CYRIB: variants seen among roughly 807,000 people sequenced by gnomAD.
The protein encoded by CYRIB is CYFIP related Rac1 interactor B, also known as CYFIP-related Rac1 interactor B.
CYRIB carries 8 observed loss-of-function variants against 44.2 expected under a neutral mutation model. The observed-to-expected ratio is 0.18, with a 90% CI of 0.11 to 0.33. The LOEUF (loss-of-function observed/expected upper bound fraction) is 0.33. Among genes scored for constraint, CYRIB ranks in the 10% least tolerant of loss-of-function variants. The pLI is 1.00. For synonymous variants in CYRIB, 131 were observed against 127.2 expected (o/e 1.03, Z -0.20); for missense variants, 185 against 382.8 (o/e 0.48, Z 4.31).
rs892921874 is a variant in CYRIB at position 129,879,490 on chromosome 8, G to C, written c.-10-19C>G. 6.6e-7 allele frequency: 1 copy of C among 1,517,012 alleles called. No homozygotes were observed. The allele number at this position is 1,517,012 out of a possible 1,614,324, so 94.0% of individuals were successfully genotyped here. On this transcript the variant is annotated intron_variant, in intron 2 of 11. Transcript: ENST00000519824. ...AAGGTACCTGTCAAGACAAGAATGAGAAAAGAGAAAATATCCCTTTATAAA... is the reference window on the plus strand; with the variant it reads ...AAGGTACCTGTCAAGACAAGAATGACAAAAGAGAAAATATCCCTTTATAAA...
chr8:129,924,579 T>C (rs2086309477), intron 1 of CYRIB, among the ~76,000 whole-genome samples: 1 of 152,202 alleles, frequency 6.6e-6, no homozygotes, highest in South Asian at 2.1e-4. Context: ...TTAAAGTTAC[T>C]CTGTAGCCAT....
intron 1 of CYRIB, among the ~76,000 whole-genome samples, chr8:129,919,745 A>T (rs2082586321): frequency 6.6e-6 from 1 of 152,178 alleles, no homozygotes; most frequent in Admixed American, 6.5e-5. Flanking sequence ...TATACACTAA[A>T]CTGGAAAAGG....
At chr8:129,927,523 A>C (rs2088579805) in intron 1 of CYRIB, among the ~76,000 whole-genome samples, 1 of 152,230 alleles carries the variant, frequency 6.6e-6, no homozygotes. Context: ...AAAAAAGTAC[A>C]CAAGAACAAT....
At chr8:129,845,058 T>G (rs2038995062) in intron 11 of CYRIB, among the ~76,000 whole-genome samples, 1 of 152,064 alleles carries the variant, frequency 6.6e-6, no homozygotes, top group Non-Finnish European at 1.5e-5. Context: ...GTGCTTTCCT[T>G]CCCTCCCCTC....
intron 1 of CYRIB, among the ~76,000 whole-genome samples, chr8:130,002,855 TG>T (rs34252768): frequency 6.6e-6 from 1 of 152,190 alleles, no homozygotes; most frequent in African/African-American, 2.4e-5. Context: ...CCCAACACTT[TG>T]GGAAGCCAAG....
At chr8:130,006,607 C>CACACATATATATGTGTATATATATAT (rs1359122569) in intron 1 of CYRIB, among the ~76,000 whole-genome samples, 5 of 7,136 alleles carry the variant, frequency 7.0e-4, no homozygotes, top group African/African-American at 2.0e-3. Context: ...TATATATATA[C>CACACATATATATGTGTATATATATAT]ATATATATGT....
intron 1 of CYRIB, among the ~76,000 whole-genome samples, chr8:130,011,221 T>G (rs2097205666): frequency 6.6e-6 from 1 of 152,138 alleles, no homozygotes; most frequent in Non-Finnish European, 1.5e-5. Context: ...CCCAGGAAGC[T>G]TTCAAGAACG....
intron 2 of CYRIB, among the ~76,000 whole-genome samples, chr8:129,880,874 T>C (rs991309168): frequency 4.6e-5 from 7 of 152,170 alleles, no homozygotes; most frequent in Admixed American, 3.3e-4. Flanking sequence ...CAAATCCTAT[T>C]GGGAACACAA....
intron 1 of CYRIB, among the ~76,000 whole-genome samples, chr8:130,003,272 A>T (rs1318937323): frequency 6.6e-6 from 1 of 152,192 alleles, no homozygotes; most frequent in Non-Finnish European, 1.5e-5. Context: ...CATTTTGTCC[A>T]TATTTTTTAC....
chr8:130,016,218 C>T (rs918679681), intron 1 of CYRIB, among the ~76,000 whole-genome samples, 152 bp downstream of exon 1: 1 of 147,224 alleles, frequency 6.8e-6, no homozygotes, highest in Non-Finnish European at 1.5e-5. Context: ...CGCCGCAGCG[C>T]CCGGCCCGGC....
chr8:129,985,056 C>T (rs1245014345), intron 1 of CYRIB, among the ~76,000 whole-genome samples: 1 of 152,222 alleles, frequency 6.6e-6, no homozygotes, highest in Non-Finnish European at 1.5e-5. Context: ...AGGCGTGAGC[C>T]ACCACGCCCC....
chr8:129,949,827 T>C (rs377082741), intron 2 of CYRIB, among the ~76,000 whole-genome samples: 9 of 151,954 alleles, frequency 5.9e-5, no homozygotes, highest in African/African-American at 1.9e-4. Context: ...GATTGCGCCA[T>C]TGCACTCCAG....
intron 2 of CYRIB, among the ~76,000 whole-genome samples, chr8:129,883,195 T>C (rs2061451231): frequency 1.3e-5 from 2 of 150,834 alleles, no homozygotes; most frequent in South Asian, 4.2e-4. Flanking sequence ...ACTACTAACA[T>C]TTTGGGCTGA....
At chr8:129,939,324 G>T (rs1287192273) in intron 1 of CYRIB, among the ~76,000 whole-genome samples, 27 of 151,910 alleles carry the variant, frequency 1.8e-4, no homozygotes, top group Admixed American at 1.8e-3. Context: ...GGGGTGGGAG[G>T]GGGCGGCGAG....
intron 9 of CYRIB, chr8:129,850,629 CT>C: frequency 1.8e-6 from 1 of 563,440 alleles, no homozygotes; most frequent in South Asian, 2.1e-5. Flanking sequence ...TGAAGACCAA[CT>C]AACTCTATTT....
chr8:129,862,362 TAG>T, intron 4 of CYRIB, 28 bp from the exon 7 acceptor site: 1 of 1,531,858 alleles, frequency 6.5e-7, no homozygotes, highest in Non-Finnish European at 8.9e-7. Flanking sequence ...TAAAAATAGT[TAG>T]AGTTAAAAAA....
chr8:129,898,714 A>G (rs1179415853), intron 2 of CYRIB, among the ~76,000 whole-genome samples: 1 of 152,230 alleles, frequency 6.6e-6, no homozygotes, highest in Non-Finnish European at 1.5e-5. Context: ...TCTCTTGGTA[A>G]TAGAATTTTA....
At chr8:130,013,103 C>T (rs771971269) in intron 1 of CYRIB, among the ~76,000 whole-genome samples, 3 of 152,176 alleles carry the variant, frequency 2.0e-5, no homozygotes, top group South Asian at 2.1e-4. Context: ...GACGCCTATA[C>T]GCTTGCTGAG....
intron 2 of CYRIB, among the ~76,000 whole-genome samples, chr8:129,968,624 C>T (rs1402666521): frequency 6.6e-6 from 1 of 152,150 alleles, no homozygotes; most frequent in Non-Finnish European, 1.5e-5. Flanking sequence ...TTTGCGTTCG[C>T]AGTAGAGGTT....
Sources: allele counts gnomAD v4.1 joint callset (sites outside exome capture counted in the v4.1 genomes callset), GRCh38; gene constraint gnomAD v4.1.1; transcripts MANE v1.5; gene names NCBI Gene and HGNC (gene_info 2026-07-23, HGNC 2026-07-21).